EPRS1: variants seen among roughly 807,000 people sequenced by gnomAD.
The protein encoded by EPRS1 is bifunctional glutamate/proline--tRNA ligase.
EPRS1 carries 107 observed loss-of-function variants against 188.3 expected under a neutral mutation model. The ratio of observed to expected loss-of-function variants is 0.57; its 90% CI spans 0.49 to 0.67. The LOEUF is 0.67. Among genes scored for constraint, EPRS1 ranks in the 30% least tolerant of loss-of-function variants. EPRS1 has a pLI of 0.00. For missense variants in EPRS1, 1,577 were observed against 1,802.2 expected (o/e 0.88, Z 2.26); for synonymous variants, 596 against 593.1 (o/e 1.00, Z -0.07).
intron 20 of EPRS1, among the ~76,000 whole-genome samples, chr1:219,986,657 T>A (rs1418974398): frequency 6.6e-6 from 1 of 152,154 alleles, no homozygotes; most frequent in African/African-American, 2.4e-5. Flanking sequence ...AATTTTTAAA[T>A]TGAGAATGAA....
rs1367670753 is a variant in EPRS1, at chr1:220,019,094, A to T, written c.1350-15T>A. The T allele has an allele frequency of 6.4e-7, 1 of 1,555,364 alleles. No homozygotes were observed. The highest frequency in any genetic ancestry group is 1.7e-5 in the Admixed American group (1 of 59,722). ...TTGGGTCATCCCTGGAAATATGTAA[A>T]TTTTAAGTACCAAGGAAATTTTGTA... On this transcript the variant is annotated splice_polypyrimidine_tract_variant and intron_variant, in intron 10 of 31. Coordinates refer to ENST00000366923, the MANE Select transcript of EPRS1 (RefSeq NM_004446.3).
intron 19 of EPRS1, among the ~76,000 whole-genome samples, chr1:219,988,274 G>C (rs946568373): frequency 7.9e-5 from 12 of 152,158 alleles, no homozygotes; most frequent in African/African-American, 2.9e-4. Flanking sequence ...GCCTTCAATG[G>C]GGTGAGCACT....
chr1:220,032,260 A>C, intron 5 of EPRS1, 127 bp downstream of exon 5: 1 of 575,026 alleles, frequency 1.7e-6, no homozygotes, highest in Non-Finnish European at 2.6e-6. Flanking sequence ...TTTTTTTTGT[A>C]TATTTTTAGC....
chr1:220,024,593 CATG>C (rs1427502810), intron 7 of EPRS1, 137 bp from the exon 8 acceptor site: 3 of 586,268 alleles, frequency 5.1e-6, no homozygotes, highest in African/African-American at 1.9e-5. Flanking sequence ...GTGGAAGTTA[CATG>C]ATATTAGATC....
At chr1:220,009,431 A>C (rs1661558180) in intron 13 of EPRS1, among the ~76,000 whole-genome samples, 2 of 152,226 alleles carry the variant, frequency 1.3e-5, no homozygotes, top group Non-Finnish European at 2.9e-5. Flanking sequence ...TAAAGCTGAA[A>C]TAAAACAACT....
chr1:220,019,108 G>T, intron 10 of EPRS1, 29 bp from the exon 11 acceptor site: 1 of 1,414,196 alleles, frequency 7.1e-7, no homozygotes, highest in South Asian at 1.2e-5. Flanking sequence ...TAAGTACCAA[G>T]GAAATTTTGT....
At chr1:219,984,614 G>A (rs999554483) in intron 20 of EPRS1, among the ~76,000 whole-genome samples, 2 of 152,064 alleles carry the variant, frequency 1.3e-5, no homozygotes, top group African/African-American at 4.8e-5. Context: ...GTAGAGGCAG[G>A]GTCTCGCTAT....
chr1:220,012,197 C>G (rs559446023), intron 12 of EPRS1, among the ~76,000 whole-genome samples: 1 of 148,290 alleles, frequency 6.7e-6, no homozygotes, highest in Non-Finnish European at 1.5e-5. Context: ...TCAGTACCAG[C>G]CTTTTTCAAG....
Position 220,024,321 on chromosome 1 carries a change from C to T in EPRS1, c.886G>A (p.Ala296Thr). 6.2e-7 allele frequency: 1 copy of T among 1,613,300 alleles called. No individual in the cohort carries two copies. The highest frequency in any genetic ancestry group is 1.3e-5 in the African/African-American group (1 of 75,000). ...EGKAYVDDTPAEQMKAEREQR... is the reference protein window; with the variant it reads ...EGKAYVDDTPTEQMKAEREQR... ...TCACGTTCTGCTTTCATCTGTTCAG[C>T]AGGAGTATCATCCACATAAGCCTTC... Residue 296 changes from alanine (A) to threonine (T), a missense_variant, in exon 8 of 32, where the codon GCT (alanine) becomes ACT (threonine). By Grantham distance (58) the Ala-to-Thr change is moderately conservative (BLOSUM62 0). Transcript: ENST00000366923.
At chr1:219,983,824 C>T (rs1196722490) in intron 21 of EPRS1, among the ~76,000 whole-genome samples, 3 of 148,776 alleles carry the variant, frequency 2.0e-5, no homozygotes, top group African/African-American at 5.0e-5. Flanking sequence ...ACCCAGGAGG[C>T]GGAGGTTGCA....
chr1:219,978,431 C>T (rs1660819737), intron 28 of EPRS1, 115 bp downstream of exon 28: 1 of 751,944 alleles, frequency 1.3e-6, no homozygotes, highest in Admixed American at 3.4e-5. Flanking sequence ...AGAAAACTCA[C>T]AACTATCAAA....
chr1:219,968,989 T>C (rs774117538), intron 31 of EPRS1, 33 bp from the exon 32 acceptor site: 1 of 1,613,238 alleles, frequency 6.2e-7, no homozygotes, highest in Non-Finnish European at 8.5e-7. Context: ...ATTCCACTCA[T>C]TTATGCTGCA....
chr1:220,010,936 T>C lies in EPRS1; in HGVS notation c.1605+10A>G, dbSNP rs760365391. 3.5e-5 allele frequency: 53 copies of C among 1,518,144 alleles called. No individual in the cohort carries two copies. In the Admixed American group the frequency reaches 8.5e-4, roughly 24 times the overall value. 94.0% of individuals were successfully genotyped at this position (1,518,144 alleles called of 1,614,324 possible). On this transcript the variant is annotated intron_variant, in intron 13 of 31. Coordinates refer to ENST00000366923, the MANE Select transcript of EPRS1 (RefSeq NM_004446.3). ...AGAGAGAAACACATTGGTGAAACTG[T>C]AAGAGTGACCTTTGGGTGTTTGGCT...
At chr1:219,992,799 C>T (rs564361595) in intron 18 of EPRS1, among the ~76,000 whole-genome samples, 73 of 152,218 alleles carry the variant, frequency 4.8e-4, no homozygotes, top group African/African-American at 1.5e-3. Context: ...TCGTGGCACG[C>T]GCCTGTAATC....
intron 30 of EPRS1, among the ~76,000 whole-genome samples, chr1:219,971,789 T>C (rs1435611248): frequency 7.3e-6 from 1 of 136,940 alleles, no homozygotes; most frequent in Admixed American, 7.2e-5. Flanking sequence ...AAAGACTATA[T>C]ATATATACAT....
chr1:220,007,749 G>A (rs1661519791), intron 13 of EPRS1, among the ~76,000 whole-genome samples: 1 of 152,140 alleles, frequency 6.6e-6, no homozygotes, highest in Non-Finnish European at 1.5e-5. Flanking sequence ...TCTTCAACTA[G>A]AATCTGTTTC....
chr1:220,046,321 G>A, intron 1 of EPRS1, 22 bp downstream of exon 1: 2 of 1,614,016 alleles, frequency 1.2e-6, no homozygotes, highest in Non-Finnish European at 1.7e-6. Context: ...ACCCACACAG[G>A]TCATTGGTCT....
intron 1 of EPRS1, 110 bp from the exon 2 acceptor site, chr1:220,040,379 G>T: frequency 1.4e-6 from 1 of 690,186 alleles, no homozygotes; most frequent in South Asian, 2.1e-5. Flanking sequence ...GTCCTACAAG[G>T]AGTGAACTTT....
At chr1:220,007,665 C>T (rs1436857845) in intron 13 of EPRS1, among the ~76,000 whole-genome samples, 1 of 152,216 alleles carries the variant, frequency 6.6e-6, no homozygotes, top group Non-Finnish European at 1.5e-5. Flanking sequence ...AGGTAGCTTG[C>T]CCCTAAGATT....
Sources: gnomAD v4.1 joint callset for allele counts (sites outside exome capture counted in the v4.1 genomes callset) on GRCh38, gnomAD v4.1.1 for gene constraint, MANE v1.5 for transcripts, NCBI Gene and HGNC (gene_info 2026-07-23, HGNC 2026-07-21) for gene names.